Variants in MAF observed in about 807,000 individuals in gnomAD.
The protein encoded by MAF is transcription factor Maf.
Under a neutral mutation model 22.0 loss-of-function variants are expected in MAF, and 10 were observed. The observed-to-expected ratio is 0.45, with a 90% CI of 0.28 to 0.77. The LOEUF is 0.77. Ranked by LOEUF, MAF falls within the 30% of genes least tolerant of loss-of-function variation. MAF has a pLI of 0.12. For synonymous variants in MAF, 337 were observed against 255.8 expected (o/e 1.32, Z -3.03); for missense variants, 544 against 548.4 (o/e 0.99, Z 0.08).
chr16:79,377,196 A>G, the MAF span, among the ~76,000 whole-genome samples: 3 of 151,400 alleles, frequency 2.0e-5, no homozygotes, highest in East Asian at 5.8e-4. Context: ...TTGTTTCCTG[A>G]CTTTTTAATG....
the MAF span, among the ~76,000 whole-genome samples, chr16:79,390,720 G>T: frequency 3.9e-5 from 6 of 152,262 alleles, no homozygotes; most frequent in East Asian, 1.2e-3. Context: ...ACTTAGAAAC[G>T]ACTTGTGAGA....
the MAF span, among the ~76,000 whole-genome samples, chr16:79,337,625 AG>A: frequency 6.6e-6 from 1 of 152,108 alleles, no homozygotes; most frequent in Non-Finnish European, 1.5e-5. Context: ...GACCCAACCC[AG>A]AAACCATCTC....
the MAF span, among the ~76,000 whole-genome samples, chr16:79,270,608 A>C: frequency 6.6e-6 from 1 of 152,310 alleles, no homozygotes; most frequent in African/African-American, 2.4e-5. Context: ...TTCCAGTGAT[A>C]ATCCCAAATC....
chr16:79,249,439 G>A, the MAF span, among the ~76,000 whole-genome samples: 1 of 145,968 alleles, frequency 6.9e-6, no homozygotes, highest in Non-Finnish European at 1.5e-5. Flanking sequence ...AAAAAAAAAG[G>A]AGGTTGAAGG....
At chr16:79,520,941 C>G in the MAF span, among the ~76,000 whole-genome samples, 1 of 152,200 alleles carries the variant, frequency 6.6e-6, no homozygotes, top group Admixed American at 6.5e-5. Flanking sequence ...GAGTTACCAT[C>G]ACCATATTTT....
the MAF span, chr16:79,516,272 C>G: frequency 1.1e-3 from 173 of 152,200 alleles, no homozygotes; most frequent in African/African-American, 4.1e-3. Context: ...TGAATAAATT[C>G]CCCCAAGACT....
At chr16:79,404,635 TA>T in the MAF span, among the ~76,000 whole-genome samples, 3 of 131,358 alleles carry the variant, frequency 2.3e-5, no homozygotes, top group South Asian at 8.1e-4. Context: ...TCCTTTTTTT[TA>T]AATTTTTTTT....
At chr16:79,442,159 A>G in the MAF span, among the ~76,000 whole-genome samples, 2 of 152,250 alleles carry the variant, frequency 1.3e-5, no homozygotes, top group African/African-American at 4.8e-5. Context: ...TGTTGCTTTA[A>G]GCCACCACAT....
chr16:79,456,167 G>A, the MAF span, among the ~76,000 whole-genome samples: 3 of 152,112 alleles, frequency 2.0e-5, no homozygotes, highest in Middle Eastern at 3.2e-3. Context: ...CTAGCATGGT[G>A]CACAGCTGCA....
chr16:79,444,775 G>A, the MAF span, among the ~76,000 whole-genome samples: 98 of 152,322 alleles, frequency 6.4e-4, no homozygotes, highest in African/African-American at 2.2e-3. Context: ...TTATTGCCCG[G>A]CCCACGTAAT....
At chr16:79,563,676 A>T in the MAF span, among the ~76,000 whole-genome samples, 1 of 152,158 alleles carries the variant, frequency 6.6e-6, no homozygotes, top group African/African-American at 2.4e-5. Flanking sequence ...AAGATTTAAA[A>T]TGTGGCTTAC....
chr16:79,280,416 A>T, the MAF span, among the ~76,000 whole-genome samples: 2 of 152,208 alleles, frequency 1.3e-5, no homozygotes, highest in African/African-American at 4.8e-5. Context: ...TGGCAAATAC[A>T]TGTTCGCAAC....
chr16:79,307,508 G>A, the MAF span, among the ~76,000 whole-genome samples: 1 of 152,196 alleles, frequency 6.6e-6, no homozygotes, highest in East Asian at 1.9e-4. Context: ...CCAGAATTGA[G>A]GAAATACCCC....
At chr16:79,331,667 G>A in the MAF span, among the ~76,000 whole-genome samples, 7 of 152,176 alleles carry the variant, frequency 4.6e-5, no homozygotes, top group Non-Finnish European at 7.3e-5. Context: ...AATGGCTCAG[G>A]CACAGCATGG....
At chr16:79,484,404 G>A in the MAF span, among the ~76,000 whole-genome samples, 4 of 152,240 alleles carry the variant, frequency 2.6e-5, no homozygotes, top group African/African-American at 9.6e-5. Context: ...AGCAGAGCCA[G>A]TGTATCTGCA....
the MAF span, among the ~76,000 whole-genome samples, chr16:79,475,964 C>T: frequency 2.0e-5 from 3 of 152,080 alleles, no homozygotes; most frequent in African/African-American, 4.8e-5. Context: ...AGAAAAGGTG[C>T]AGGGATATTT....
the MAF span, among the ~76,000 whole-genome samples, chr16:79,297,403 A>T: frequency 6.6e-6 from 1 of 152,144 alleles, no homozygotes; most frequent in Non-Finnish European, 1.5e-5. Context: ...ATGCTATGAA[A>T]ACAGGGATGG....
At chr16:79,336,032 C>G in the MAF span, among the ~76,000 whole-genome samples, 60,512 of 152,020 alleles carry the variant, frequency 0.4, 13,756 homozygotes, top group Non-Finnish European at 0.54. Context: ...CACAGGGCTG[C>G]GCTCAGGGCA....
In MAF at chr16:79,600,548, T is replaced by G. The variant is rs550154668; in HGVS notation, c.-646A>C. ...CTCTGTGCAAAGTGCAAGGCAGAGG[T>G]GCAGCCCGACTGGAGGAGAGGGAGG... is the stretch of plus-strand genomic sequence containing the variant. On this transcript the variant is annotated 5_prime_UTR_variant, in exon 1 of 2. Coordinates refer to ENST00000326043, the MANE Select transcript of MAF (RefSeq NM_005360.5). 1 of 194,090 alleles carries G rather than the reference T, an allele frequency of 5.2e-6. No individual in the cohort carries two copies. The highest frequency in any genetic ancestry group is 1.2e-5 in the Non-Finnish European group (1 of 84,252). The allele number at this position is 194,090 out of a possible 1,614,324, so 12.0% of individuals were successfully genotyped here.
Sources: gnomAD v4.1 joint callset for allele counts (sites outside exome capture counted in the v4.1 genomes callset) on GRCh38, gnomAD v4.1.1 for gene constraint, MANE v1.5 for transcripts, NCBI Gene and HGNC (gene_info 2026-07-23, HGNC 2026-07-21) for gene names.